The following ZNF165 variants were observed in gnomAD, a reference collection of about 807,000 sequenced individuals.
ZNF165 encodes zinc finger protein 165.
A neutral mutation model predicts 19.6 loss-of-function variants in ZNF165; 14 were observed. The ratio of observed to expected loss-of-function variants is 0.71; its 90% confidence interval spans 0.47 to 1.12. The LOEUF (loss-of-function observed/expected upper bound fraction) is 1.12. ZNF165 is among the 50% of genes most tolerant of loss of function. The pLI is 0.00. For synonymous variants in ZNF165, 165 were observed against 195.0 expected (o/e 0.85, Z 1.28); for missense variants, 504 against 566.3 (o/e 0.89, Z 1.12).
intron 1 of ZNF165, among the ~76,000 whole-genome samples, chr6:28,082,386 G>A (rs1764175829): frequency 6.6e-6 from 1 of 152,194 alleles, no homozygotes; most frequent in Admixed American, 6.5e-5. Flanking sequence ...TATAGAGTGT[G>A]GAGTGGGAAA....
rs755999401 is a variant in ZNF165, at chr6:28,088,860, CAAAT to C, written c.849_852del (p.Glu285SerfsTer27). ...TGTGAGAGGAGATTAAATCTGAACT[CAAAT>C]GAATTCACACACCAGAAATCTTGTA... On this transcript the variant is annotated frameshift_variant, in exon 4 of 4. Transcript: ENST00000683778. LOFTEE classifies it low-confidence loss of function (END_TRUNC). The C allele has an allele frequency of 2.2e-5, 36 of 1,614,156 alleles. No homozygotes were observed. Among genetic ancestry groups the C allele is most frequent in the Non-Finnish European group, 3.1e-5 (36 of 1,180,024 alleles).
chr6:28,087,869 A>C (rs1313955496), intron 3 of ZNF165, among the ~76,000 whole-genome samples: 1 of 152,214 alleles, frequency 6.6e-6, no homozygotes, highest in Admixed American at 6.5e-5. Flanking sequence ...GGCAGTGTTT[A>C]ATGACCATTA....
intron 1 of ZNF165, 136 bp from the exon 2 acceptor site, chr6:28,085,345 A>C: frequency 1.1e-6 from 1 of 892,492 alleles, no homozygotes; most frequent in Non-Finnish European, 1.7e-6. Flanking sequence ...TTTTTGTGTA[A>C]TGGAGAATGA....
At chr6:28,081,684 C>T (rs935320172) in intron 1 of ZNF165, among the ~76,000 whole-genome samples, 4 of 152,166 alleles carry the variant, frequency 2.6e-5, no homozygotes, top group East Asian at 1.9e-4. Context: ...GTTCATCCAT[C>T]AGGAGCCCTG....
At chr6:28,086,063 G>C in intron 2 of ZNF165, 109 bp from the exon 3 acceptor site, 2 of 1,519,736 alleles carry the variant, frequency 1.3e-6, no homozygotes, top group Admixed American at 4.3e-5. Flanking sequence ...AATCAGACTC[G>C]ATTCTTCCTT....
At chr6:28,086,352 CAG>C (rs749711255) in intron 3 of ZNF165, 42 bp downstream of exon 3, 110 of 1,573,174 alleles carry the variant, frequency 7.0e-5, no homozygotes, top group Non-Finnish European at 8.9e-5. Context: ...ACTAAAGAAA[CAG>C]GGGAATGAAT....
chr6:28,082,166 T>C (rs944950004), intron 1 of ZNF165, among the ~76,000 whole-genome samples: 1 of 151,546 alleles, frequency 6.6e-6, no homozygotes, highest in Non-Finnish European at 1.5e-5. Flanking sequence ...TTTTTCTTTA[T>C]CATTGATAAA....
chr6:28,088,961 G>GA lies in ZNF165; in HGVS notation c.956dup (p.Asn319LysfsTer15), dbSNP rs1334551534. 4 of 1,613,970 alleles carry GA rather than the reference G, an allele frequency of 2.5e-6. No individual in the cohort carries two copies. The highest frequency in any genetic ancestry group is 2.2e-5 in the East Asian group (1 of 44,884). On this transcript the variant is annotated frameshift_variant, in exon 4 of 4. Coordinates refer to ENST00000683778, the MANE Select transcript of ZNF165 (RefSeq NM_001376491.1). LOFTEE classifies it low-confidence loss of function (END_TRUNC). ...TAACCATCAAATAATTTATGCTGGA[G>GA]AAAAAAATCACCAATATGGAAAATC...
chr6:28,085,948 A>T (rs940414894), intron 2 of ZNF165, 57 bp downstream of exon 2: 7 of 1,581,970 alleles, frequency 4.4e-6, no homozygotes, highest in Non-Finnish European at 6.0e-6. Context: ...CCACGGTGGG[A>T]GGAGAGGCCC....
In ZNF165 at chr6:28,088,731, A is replaced by T. The variant is rs756350804; in HGVS notation, c.719A>T (p.Glu240Val). The T allele has an allele frequency of 2.5e-6, 4 of 1,614,172 alleles. No individual in the cohort carries two copies. The Admixed American group carries it at 6.7e-5, about 27-fold the overall frequency. The change falls in exon 4 of 4, where the codon GAA becomes GTA. Residue 240 changes from glutamate to valine, a missense_variant. Physicochemically the swap from Glu to Val is moderately radical, Grantham distance 121. Transcript: ENST00000683778. ...AGGGTAAAGAGACAATGGGAAAAAG[A>T]ATCAGGGGAGTCTCAGAGACTCTCG... The part of the protein sequence containing the change: ...AGRVKRQWEK[E>V]SGESQRLSSA...
At position 28,088,973 on chromosome 6, in the gene ZNF165, C is replaced by G; in HGVS notation, c.961C>G (p.Gln321Glu). Residue 321 changes from glutamine (Q) to glutamate (E), a missense_variant, in exon 4 of 4, where the codon CAA becomes GAA. Physicochemically the swap from Gln to Glu is conservative, Grantham distance 29. Coordinates refer to ENST00000683778, the MANE Select transcript of ZNF165 (RefSeq NM_001376491.1). ...QIIYAGEKNHQYGKSFKSPKL... is the reference protein window; with the variant it reads ...QIIYAGEKNHEYGKSFKSPKL... ...AATTTATGCTGGAGAAAAAAATCACCAATATGGAAAATCTTTCAAGAGCCC... is the reference window on the plus strand; with the variant it reads ...AATTTATGCTGGAGAAAAAAATCACGAATATGGAAAATCTTTCAAGAGCCC... 2 of 1,614,062 alleles carry G rather than the reference C, an allele frequency of 1.2e-6. No individual in the cohort carries two copies. Among genetic ancestry groups the G allele is most frequent in the Non-Finnish European group, 1.7e-6 (2 of 1,179,994 alleles).
At chr6:28,082,309 C>G (rs1340709050) in intron 1 of ZNF165, among the ~76,000 whole-genome samples, 1 of 151,566 alleles carries the variant, frequency 6.6e-6, no homozygotes, top group African/African-American at 2.4e-5. Flanking sequence ...TCTTGTCTGC[C>G]AAGACAAGCT....
intron 1 of ZNF165, among the ~76,000 whole-genome samples, chr6:28,083,813 A>G (rs913691441): frequency 2.0e-5 from 3 of 152,192 alleles, no homozygotes; most frequent in African/African-American, 7.2e-5. Flanking sequence ...ACCTTCTACC[A>G]TTCACAGTCT....
Position 28,083,053 on chromosome 6 carries a change from T to C in ZNF165, c.-1+2083T>C, listed in dbSNP as rs571462243. ...AAGGACTTATATATTCATATGTGTA[T>C]GTGTTAGGAATTGTAAGAACTCAGA... On this transcript the variant is annotated intron_variant, in intron 1 of 3. Transcript: ENST00000683778. Among the ~76,000 whole-genome samples the C allele has an allele frequency of 3.9e-5, 6 of 152,346 alleles. No homozygotes were observed. The South Asian group carries it at 1.0e-3, about 26-fold the overall frequency.
upstream of ZNF165, chr6:28,080,536 C>A (rs1249325380): frequency 6.8e-6 from 1 of 148,130 alleles, no homozygotes; most frequent in African/African-American, 2.5e-5. Flanking sequence ...TGCCACCACG[C>A]CCGGCAATTT....
In ZNF165 at chr6:28,089,283, G is replaced by C; in HGVS notation, c.1271G>C (p.Arg424Thr). ...HLIRHQRIHTREKPYECSECG... is the reference protein window; with the variant it reads ...HLIRHQRIHTTEKPYECSECG... ...ATCAGGCATCAGAGAATTCACACCA[G>C]AGAGAAACCCTACGAGTGTAGTGAA... The change falls in exon 4 of 4, where the codon AGA becomes ACA. Residue 424 changes from arginine (R) to threonine (T), a missense_variant. By Grantham distance (71) the Arg-to-Thr change is moderately conservative. Coordinates refer to ENST00000683778, the MANE Select transcript of ZNF165 (RefSeq NM_001376491.1). 6.2e-7 allele frequency: 1 copy of C among 1,614,178 alleles called. No individual in the cohort carries two copies. Among genetic ancestry groups the C allele is most frequent in the African/African-American group, 1.3e-5 (1 of 75,068 alleles).
chr6:28,088,871 A>G lies in ZNF165; in HGVS notation c.859A>G (p.Thr287Ala). The G allele has an allele frequency of 6.2e-7, 1 of 1,614,236 alleles. No individual in the cohort carries two copies. Among genetic ancestry groups the G allele is most frequent in the Non-Finnish European group, 8.5e-7 (1 of 1,180,050 alleles). Residue 287 changes from threonine to alanine, a missense_variant, in exon 4 of 4, where the codon ACA (threonine) becomes GCA (alanine). Thr to Ala is a moderately conservative substitution (Grantham distance 58). Transcript: ENST00000683778. ...ATTAAATCTGAACTCAAATGAATTCACACACCAGAAATCTTGTAAACATGG... is the reference window on the plus strand; with the variant it reads ...ATTAAATCTGAACTCAAATGAATTCGCACACCAGAAATCTTGTAAACATGG... ...RRLNLNSNEF[T>A]HQKSCKHGTC...
intron 1 of ZNF165, chr6:28,081,231 G>C (rs1268327760): frequency 6.6e-6 from 1 of 152,354 alleles, no homozygotes; most frequent in Non-Finnish European, 1.5e-5. Flanking sequence ...GTGGCGTGGG[G>C]TGGGGGCTGT....
chr6:28,089,073 G>A lies in ZNF165; in HGVS notation c.1061G>A (p.Arg354Lys), dbSNP rs1314211782. ...HQCNECGKAF[R>K]HSSKLARHQR... ...TGTAATGAATGTGGGAAAGCTTTCA[G>A]GCACAGCTCAAAACTTGCTAGGCAT... The change falls in exon 4 of 4, where the codon AGG becomes AAG. Residue 354 changes from arginine to lysine, a missense_variant. Coordinates refer to ENST00000683778, the MANE Select transcript of ZNF165 (RefSeq NM_001376491.1). 1.9e-6 allele frequency: 3 copies of A among 1,614,156 alleles called. No homozygotes were observed. Among genetic ancestry groups the A allele is most frequent in the Non-Finnish European group, 2.5e-6 (3 of 1,180,000 alleles).
Sources: gnomAD v4.1 joint callset for allele counts (sites outside exome capture counted in the v4.1 genomes callset) on GRCh38, gnomAD v4.1.1 for gene constraint, MANE v1.5 for transcripts, NCBI Gene and HGNC (gene_info 2026-07-23, HGNC 2026-07-21) for gene names.